Variants in TRAPPC9 observed in about 807,000 individuals in gnomAD.
TRAPPC9 encodes the protein IKK2 binding protein.
TRAPPC9 carries 83 observed loss-of-function variants against 124.0 expected under a neutral mutation model. The ratio of observed to expected loss-of-function variants is 0.67; its 90% CI spans 0.56 to 0.80. TRAPPC9 has a LOEUF of 0.80. TRAPPC9 is among the 30% of genes least tolerant of loss of function. The pLI is 0.00. For synonymous variants in TRAPPC9, 638 were observed against 617.5 expected, an observed-to-expected ratio of 1.03 and a Z score of -0.49; for missense variants, 1,302 against 1,508.3, an observed-to-expected ratio of 0.86 and a Z score of 2.27.
At chr8:139,893,433 G>A (rs987742742) in intron 20 of TRAPPC9, among the ~76,000 whole-genome samples, 1 of 152,214 alleles carries the variant, frequency 6.6e-6, no homozygotes, top group African/African-American at 2.4e-5. Context: ...ACCTGCCCTG[G>A]CGGTCTGCAC....
chr8:140,414,396 T>A (rs1210726115), intron 5 of TRAPPC9, among the ~76,000 whole-genome samples: 1 of 152,088 alleles, frequency 6.6e-6, no homozygotes, highest in Non-Finnish European at 1.5e-5. Flanking sequence ...TAACCAGGCA[T>A]GGTGTCATGG....
At chr8:140,279,293 T>C (rs1001452467) in intron 14 of TRAPPC9, among the ~76,000 whole-genome samples, 7 of 152,210 alleles carry the variant, frequency 4.6e-5, no homozygotes, top group East Asian at 1.9e-4. Flanking sequence ...TTTTTATTCA[T>C]TGCATTTTTT....
chr8:139,904,632 A>C (rs1831228876), intron 20 of TRAPPC9: 1 of 152,246 alleles, frequency 6.6e-6, no homozygotes, highest in African/African-American at 2.4e-5. Flanking sequence ...GAGTTATTGA[A>C]CTTCCAAAAT....
intron 19 of TRAPPC9, among the ~76,000 whole-genome samples, chr8:139,964,571 C>T (rs763320648): frequency 2.6e-5 from 4 of 152,164 alleles, no homozygotes; most frequent in African/African-American, 4.8e-5. Flanking sequence ...TCAGGGCTTT[C>T]GGTATCTCAA....
intron 18 of TRAPPC9, among the ~76,000 whole-genome samples, chr8:140,018,807 C>T (rs565642635): frequency 2.0e-5 from 3 of 152,110 alleles, no homozygotes; most frequent in African/African-American, 7.2e-5. Flanking sequence ...TTTTAATACC[C>T]TTATTTATTT....
At chr8:140,444,156 G>A (rs2071153221) in intron 2 of TRAPPC9, among the ~76,000 whole-genome samples, 1 of 148,802 alleles carries the variant, frequency 6.7e-6, no homozygotes, top group Non-Finnish European at 1.5e-5. Flanking sequence ...AGGTTGCAGT[G>A]AGCAGAGAAC....
chr8:140,230,547 G>A (rs2063566830), intron 16 of TRAPPC9, among the ~76,000 whole-genome samples: 1 of 152,034 alleles, frequency 6.6e-6, no homozygotes, highest in South Asian at 2.1e-4. Flanking sequence ...AGGAGGCAGA[G>A]CTTGCAGTGA....
intron 17 of TRAPPC9, among the ~76,000 whole-genome samples, chr8:140,053,035 G>A (rs527417269): frequency 4.4e-4 from 67 of 152,142 alleles, no homozygotes; most frequent in Non-Finnish European, 9.0e-4. Context: ...TAAGTAAAGG[G>A]GAGGAAAAAG....
chr8:139,728,187 T>C lies in TRAPPC9; in HGVS notation c.*2874A>G, dbSNP rs1337178475. Among the ~76,000 whole-genome samples the C allele has an allele frequency of 2.0e-5, 3 of 152,238 alleles. No homozygotes were observed. Among genetic ancestry groups the C allele is most frequent in the African/African-American group, 7.2e-5 (3 of 41,468 alleles). Reference sequence around the variant, plus strand: ...CAAGTGGCTGAGCTGGAGTTCAGCATCTCAGACATCTTCCTTTGAATCCTT... The same window carrying C: ...CAAGTGGCTGAGCTGGAGTTCAGCACCTCAGACATCTTCCTTTGAATCCTT... On this transcript the variant is annotated 3_prime_UTR_variant, in exon 23 of 23. Transcript: ENST00000438773.
At chr8:139,758,665 C>T (rs534424329) in intron 21 of TRAPPC9, among the ~76,000 whole-genome samples, 8 of 152,312 alleles carry the variant, frequency 5.3e-5, no homozygotes, top group Admixed American at 1.3e-4. Flanking sequence ...ACCTGTGCCA[C>T]GAAGGCAGGG....
intron 14 of TRAPPC9, among the ~76,000 whole-genome samples, chr8:140,276,454 C>T (rs1013545568): frequency 4.6e-5 from 7 of 152,274 alleles, no homozygotes; most frequent in East Asian, 1.9e-4. Context: ...CCCTGGACTA[C>T]GGGACAGGCC....
rs1445246602 is a variant in TRAPPC9 at position 140,236,363 on chromosome 8, G to A, written c.2432-14780C>T. 2.0e-5 allele frequency among the ~76,000 whole-genome samples: 3 copies of A among 152,182 alleles called. No individual in the cohort carries two copies. The East Asian group carries it at 5.8e-4, about 29-fold the overall frequency. ...TTCCCAAAGTGCTGGGATTGCAGGC[G>A]TGAGCCAGAGTGCCCAGTCACTTAT... On this transcript the variant is annotated intron_variant, in intron 16 of 22. Coordinates refer to ENST00000438773, the MANE Select transcript of TRAPPC9 (RefSeq NM_001160372.4).
rs959096972 is a variant in TRAPPC9 at position 139,851,707 on chromosome 8, C to T, written c.3055+34172G>A. ...GGGGAAAGGTCCCGCGGACTCACGG[C>T]AAATGTTTACATTTGATGATCTTTG... On this transcript the variant is annotated intron_variant, in intron 21 of 22. Coordinates refer to ENST00000438773, the MANE Select transcript of TRAPPC9 (RefSeq NM_001160372.4). Among the ~76,000 whole-genome samples, 8 of 152,186 alleles carry T rather than the reference C, an allele frequency of 5.3e-5. No individual in the cohort carries two copies. The South Asian group carries it at 8.3e-4, about 16-fold the overall frequency.
intron 21 of TRAPPC9, among the ~76,000 whole-genome samples, chr8:139,868,994 A>C (rs1260659302): frequency 6.6e-6 from 1 of 152,220 alleles, no homozygotes; most frequent in Non-Finnish European, 1.5e-5. Flanking sequence ...AGAGGAAGAA[A>C]ATTATCACAC....
At chr8:140,137,723 CTACGTAG>C (rs1451430911) in intron 17 of TRAPPC9, among the ~76,000 whole-genome samples, 1 of 152,198 alleles carries the variant, frequency 6.6e-6, no homozygotes, top group Non-Finnish European at 1.5e-5. Flanking sequence ...GTTTACAATC[CTACGTAG>C]TAGATATTCA....
At chr8:140,149,619 A>G (rs28713491) in intron 17 of TRAPPC9, among the ~76,000 whole-genome samples, 110,933 of 150,244 alleles carry the variant, frequency 0.74, 42,059 homozygotes, top group African/African-American at 0.91. Flanking sequence ...GCAAGACTCC[A>G]TCTCAAAAAA....
chr8:140,457,859 AAAG>A, upstream of TRAPPC9: 1 of 1,096,936 alleles, frequency 9.1e-7, no homozygotes, highest in Non-Finnish European at 1.1e-6. Flanking sequence ...GCGAGGGAGA[AAAG>A]AGGAAGGAGG....
At chr8:140,292,701 T>C (rs62527548) in intron 11 of TRAPPC9, among the ~76,000 whole-genome samples, 6 of 151,250 alleles carry the variant, frequency 4.0e-5, no homozygotes, top group African/African-American at 2.4e-5. Flanking sequence ...TTACACCTTA[T>C]ACAAAAATTA....
At chr8:139,890,871 T>TA (rs1000486205) in intron 20 of TRAPPC9, among the ~76,000 whole-genome samples, 26 of 144,366 alleles carry the variant, frequency 1.8e-4, no homozygotes, top group Non-Finnish European at 2.4e-4. Flanking sequence ...TTTAAAAATT[T>TA]AAAAAAAAAA....
Sources: allele counts gnomAD v4.1 joint callset (sites outside exome capture counted in the v4.1 genomes callset), GRCh38; gene constraint gnomAD v4.1.1; transcripts MANE v1.5; gene names NCBI Gene and HGNC (gene_info 2026-07-23, HGNC 2026-07-21).